The following CCDC57 variants were observed in gnomAD, a reference collection of about 807,000 sequenced individuals.
The protein encoded by CCDC57 is coiled-coil domain containing 57, also known as coiled-coil domain-containing protein 57.
Under a neutral mutation model 118.9 loss-of-function variants are expected in CCDC57, and 118 were observed. The observed-to-expected ratio is 0.99, with a 90% CI of 0.86 to 1.16. The LOEUF (loss-of-function observed/expected upper bound fraction) is 1.16. Among genes scored for constraint, CCDC57 ranks in the 50% most tolerant of loss-of-function variants. The pLI, the probability that CCDC57 is intolerant of heterozygous loss-of-function variation, is 0.00. For synonymous variants in CCDC57, 527 were observed against 532.9 expected (o/e 0.99, Z 0.15); for missense variants, 1,300 against 1,320.7 (o/e 0.98, Z 0.24).
chr17:82,128,296 C>G (rs2037775214), intron 18 of CCDC57, among the ~76,000 whole-genome samples, 197 bp downstream of exon 17: 1 of 152,162 alleles, frequency 6.6e-6, no homozygotes, highest in Non-Finnish European at 1.5e-5. Context: ...GCCCTCCTAA[C>G]ACTCTTACCA....
At chr17:82,188,533 G>T in intron 7 of CCDC57, 114 bp from the exon 7 acceptor site, 1 of 1,102,442 alleles carries the variant, frequency 9.1e-7, no homozygotes, top group South Asian at 1.6e-5. Context: ...CTGTATGTCT[G>T]CCTCAAGGCT....
exon 3 of CCDC57, chr17:82,201,682 C>T (rs765561583): frequency 1.9e-6 from 3 of 1,613,500 alleles, no homozygotes; most frequent in Non-Finnish European, 2.5e-6. Flanking sequence ...CTCTGCCCGC[C>T]TGGCCTCTTC....
chr17:82,202,964 AC>A (rs2049172229), intron 2 of CCDC57, among the ~76,000 whole-genome samples: 1 of 152,044 alleles, frequency 6.6e-6, no homozygotes, highest in Non-Finnish European at 1.5e-5. Context: ...GCCCCTTCCC[AC>A]CCAACACCCT....
intron 16 of CCDC57, among the ~76,000 whole-genome samples, chr17:82,149,239 AGATG>A (rs1018389081): frequency 1.1e-5 from 1 of 87,354 alleles, no homozygotes; most frequent in Non-Finnish European, 2.2e-5. Context: ...GTAGATGGGT[AGATG>A]GATGGATGGA....
At chr17:82,182,295 A>G (rs1041006820) in intron 9 of CCDC57, among the ~76,000 whole-genome samples, 1 of 149,944 alleles carries the variant, frequency 6.7e-6, no homozygotes, top group African/African-American at 2.4e-5. Flanking sequence ...AAAAAAAAAG[A>G]ATGCTGGAAG....
chr17:82,148,342 T>A (rs1166003050), intron 16 of CCDC57, among the ~76,000 whole-genome samples: 7 of 40,584 alleles, frequency 1.7e-4, no homozygotes, highest in African/African-American at 4.2e-4. Flanking sequence ...GATGGATGGA[T>A]GGATAGGTGG....
chr17:82,184,026 C>CGT lies in CCDC57; in HGVS notation c.1053-95_1053-94insAC, dbSNP rs1555746395. The CGT allele has an allele frequency of 9.0e-4, 412 of 459,254 alleles. 4 individuals are homozygous for CGT. The highest frequency in any genetic ancestry group is 4.4e-3 in the Admixed American group (127 of 29,028). The allele number at this position is 459,254 out of a possible 1,614,324, so 28.4% of individuals were successfully genotyped here. A position where few individuals can be genotyped will look rare whatever the true frequency, so the allele number is the denominator to read the frequency against. On this transcript the variant is annotated intron_variant, in intron 8 of 19. Transcript: ENST00000665763. ...CCCAGCAAATACACATGCGCGCGCG[C>CGT]GCGCGCACACACACACACACACACA... is the stretch of plus-strand genomic sequence containing the variant.
In CCDC57 at chr17:82,172,094, C is replaced by T. The variant is rs4789671; in HGVS notation, c.1730-241G>A. Among the ~76,000 whole-genome samples, 65,852 of 152,072 alleles carry T rather than the reference C, an allele frequency of 0.43. 15,251 individuals carry two copies. The highest frequency in any genetic ancestry group is 0.86 in the East Asian group (4,459 of 5,162). ...CAGAGACCAGCACAGTCTCCATGCTCTCCAGGAAGGGCTCAGTGATCAGGA... is the reference window on the plus strand; with the variant it reads ...CAGAGACCAGCACAGTCTCCATGCTTTCCAGGAAGGGCTCAGTGATCAGGA... On this transcript the variant is annotated intron_variant, in intron 12 of 19. Coordinates refer to ENST00000665763, the Ensembl canonical transcript of CCDC57. The surrounding 1 kb of genome is among the most constrained non-coding windows in gnomAD (Gnocchi z 5.2).
At chr17:82,189,954 G>A (rs185640649) in intron 7 of CCDC57, among the ~76,000 whole-genome samples, 3 of 152,256 alleles carry the variant, frequency 2.0e-5, no homozygotes, top group East Asian at 1.9e-4. Context: ...AGGTTGCAGT[G>A]AGCCGAGATT....
chr17:82,148,512 G>T (rs796819233), intron 16 of CCDC57, among the ~76,000 whole-genome samples: 1 of 6,490 alleles, frequency 1.5e-4, no homozygotes, highest in African/African-American at 5.2e-4. Context: ...TACATGGATG[G>T]GTGGGTGGGT....
chr17:82,151,396 C>T (rs1299487877), intron 16 of CCDC57, among the ~76,000 whole-genome samples, 164 bp downstream of exon 15: 7 of 150,774 alleles, frequency 4.6e-5, no homozygotes, highest in Non-Finnish European at 8.9e-5. Flanking sequence ...CAGAACCTGA[C>T]CCACACCCAG....
At chr17:82,148,349 G>A (rs61726366) in intron 16 of CCDC57, among the ~76,000 whole-genome samples, 10 of 16,790 alleles carry the variant, frequency 6.0e-4, no homozygotes, top group Admixed American at 9.2e-4. Flanking sequence ...GGATGGATAG[G>A]TGGGTGGATG....
chr17:82,181,473 T>G (rs1365637190), intron 9 of CCDC57, among the ~76,000 whole-genome samples: 1 of 152,192 alleles, frequency 6.6e-6, no homozygotes, highest in African/African-American at 2.4e-5. Flanking sequence ...AATACTTAAC[T>G]GCAGCCAAAC....
intron 14 of CCDC57, among the ~76,000 whole-genome samples, chr17:82,158,722 A>T (rs1023993376): frequency 6.8e-6 from 1 of 148,038 alleles, no homozygotes; most frequent in Non-Finnish European, 1.5e-5. Context: ...ATTAATTTTT[A>T]TTTATTTACT....
At chr17:82,181,279 G>C (rs906819002) in intron 9 of CCDC57, among the ~76,000 whole-genome samples, 1 of 152,220 alleles carries the variant, frequency 6.6e-6, no homozygotes. Context: ...CTCCACGTGC[G>C]CTGATTCCCA....
chr17:82,153,241 G>A (rs537878719), intron 15 of CCDC57, among the ~76,000 whole-genome samples: 1 of 152,286 alleles, frequency 6.6e-6, no homozygotes, highest in East Asian at 1.9e-4. Flanking sequence ...TGGGGGAGAG[G>A]GGCCAGGCAG....
rs147310608 is a variant in CCDC57, at chr17:82,118,896, C to G, written c.2899+8796G>C. Among the ~76,000 whole-genome samples the G allele has an allele frequency of 6.6e-6, 1 of 151,644 alleles. No individual in the cohort carries two copies. The highest frequency in any genetic ancestry group is 1.5e-5 in the Non-Finnish European group (1 of 67,942). The stretch of plus-strand genomic sequence containing the variant: ...TTGTAAATACTCCATTCTACTTCTG[C>G]GTATTTTCGTGGTTTGCCTTGGAGT... On this transcript the variant is annotated intron_variant, in intron 19 of 19. Coordinates refer to ENST00000665763, the Ensembl canonical transcript of CCDC57. This position sits in a 1 kb window ranked among gnomAD's most constrained non-coding sequence, Gnocchi z 4.7.
rs371606583 is a variant in CCDC57, at chr17:82,170,807, T to C, written c.1882+894A>G. On this transcript the variant is annotated intron_variant, in intron 13 of 19. Coordinates refer to ENST00000665763, the Ensembl canonical transcript of CCDC57. Reference sequence around the variant, plus strand: ...AGGAAGAGATGTTCAATCCCACGAATCTCATGAATTTGCAAATTAAACCAA... The same window carrying C: ...AGGAAGAGATGTTCAATCCCACGAACCTCATGAATTTGCAAATTAAACCAA... Among the ~76,000 whole-genome samples the C allele has an allele frequency of 7.8e-4, 119 of 152,252 alleles. 1 individual carries two copies. Among genetic ancestry groups the C allele is most frequent in the African/African-American group, 2.7e-3 (114 of 41,546 alleles).
At chr17:82,113,346 A>G (rs758755351) in intron 19 of CCDC57, 2 of 712,276 alleles carry the variant, frequency 2.8e-6, no homozygotes, top group South Asian at 1.5e-5. Context: ...ATCCAGCCTC[A>G]TAAAATGTCA....
Sources: allele counts gnomAD v4.1 joint callset (sites outside exome capture counted in the v4.1 genomes callset), GRCh38; gene constraint gnomAD v4.1.1; non-coding constraint Gnocchi (gnomAD v3.1); transcripts MANE v1.5; gene names NCBI Gene and HGNC (gene_info 2026-07-23, HGNC 2026-07-21).